STRN3: variants seen among roughly 807,000 people sequenced by gnomAD.
STRN3 encodes striatin 3.
In STRN3, 29 loss-of-function variants were observed where a neutral mutation model predicts 95.6. The observed-to-expected ratio is 0.30, with a 90% CI of 0.23 to 0.41. The LOEUF (loss-of-function observed/expected upper bound fraction) is 0.41. Ranked by LOEUF, STRN3 falls within the 10% of genes least tolerant of loss-of-function variation. The pLI is 1.00. For missense variants in STRN3, 890 were observed against 972.1 expected (o/e 0.92, Z 1.12); for synonymous variants, 331 against 357.6 (o/e 0.93, Z 0.84).
At chr14:30,935,041 C>T in intron 7 of STRN3, 122 bp downstream of exon 7, 1 of 1,289,818 alleles carries the variant, frequency 7.8e-7, no homozygotes, top group African/African-American at 1.5e-5. Context: ...AAAACCACTT[C>T]CCCTTGCTCT....
chr14:30,911,915 T>C, intron 11 of STRN3, 91 bp from the exon 12 acceptor site: 1 of 1,552,640 alleles, frequency 6.4e-7, no homozygotes, highest in Non-Finnish European at 8.7e-7. Flanking sequence ...AGATCAAATG[T>C]GTGCATTAAA....
chr14:30,969,308 G>C (rs989705760), intron 1 of STRN3, among the ~76,000 whole-genome samples: 1 of 152,028 alleles, frequency 6.6e-6, no homozygotes, highest in African/African-American at 2.4e-5. Flanking sequence ...ATGGTGGCAG[G>C]TGCCTTTAGT....
At chr14:30,980,697 G>C (rs943237667) in intron 1 of STRN3, among the ~76,000 whole-genome samples, 1 of 151,888 alleles carries the variant, frequency 6.6e-6, no homozygotes, top group African/African-American at 2.4e-5. Flanking sequence ...CACCGCACCC[G>C]GCCCTATTTT....
rs1262685137 is a variant in STRN3 at position 30,895,071 on chromosome 14, AAAAAAAAAGAAG to A, written c.*328_*339del. On this transcript the variant is annotated 3_prime_UTR_variant, in exon 18 of 18. Coordinates refer to ENST00000357479, the MANE Select transcript of STRN3 (RefSeq NM_001083893.2). ...CAGAGTCCAAAAAAAAAAAAAAAAA[AAAAAAAAAGAAG>A]AAGAAGAAGAGAAAAAAAAAAACTT... is the stretch of plus-strand genomic sequence containing the variant. The A allele has an allele frequency of 1.4e-5, 3 of 219,256 alleles. No homozygotes were observed. The highest frequency in any genetic ancestry group is 7.2e-5 in the African/African-American group (3 of 41,498). 13.6% of individuals were successfully genotyped at this position (219,256 alleles called of 1,614,324 possible). A position where few individuals can be genotyped will look rare whatever the true frequency, so the allele number is the denominator to read the frequency against.
chr14:30,978,084 G>C (rs1204149525), intron 1 of STRN3, among the ~76,000 whole-genome samples: 2 of 152,044 alleles, frequency 1.3e-5, no homozygotes, highest in Admixed American at 1.3e-4. Flanking sequence ...CTAAACATTT[G>C]AGAATGAAAT....
chr14:30,922,649 A>G (rs1896913853), intron 8 of STRN3, among the ~76,000 whole-genome samples: 1 of 152,180 alleles, frequency 6.6e-6, no homozygotes, highest in East Asian at 1.9e-4. Flanking sequence ...TTAGCAGGCA[A>G]ACAATCTGGA....
At chr14:30,997,782 C>T (rs1030639378) in intron 1 of STRN3, among the ~76,000 whole-genome samples, 3 of 152,166 alleles carry the variant, frequency 2.0e-5, no homozygotes, top group Non-Finnish European at 4.4e-5. Flanking sequence ...GTTGCTATTA[C>T]GAGCCTCCTT....
At chr14:30,961,295 G>C (rs1237036400) in intron 1 of STRN3, among the ~76,000 whole-genome samples, 5 of 152,034 alleles carry the variant, frequency 3.3e-5, no homozygotes, top group African/African-American at 1.2e-4. Context: ...ACTAATATCA[G>C]ACAAAATAGG....
At chr14:30,930,860 C>A (rs1878499384) in intron 7 of STRN3, among the ~76,000 whole-genome samples, 1 of 152,018 alleles carries the variant, frequency 6.6e-6, no homozygotes, top group South Asian at 2.1e-4. Flanking sequence ...GTTAATAATT[C>A]TTAATTTCAA....
chr14:30,983,442 G>T (rs1461452424), intron 1 of STRN3, among the ~76,000 whole-genome samples: 2 of 152,242 alleles, frequency 1.3e-5, no homozygotes, highest in Non-Finnish European at 2.9e-5. Flanking sequence ...CTACTCCGGA[G>T]GCTGAGACGG....
chr14:30,916,916 A>G (rs1896754764), intron 9 of STRN3, among the ~76,000 whole-genome samples: 2 of 152,190 alleles, frequency 1.3e-5, no homozygotes, highest in Admixed American at 1.3e-4. Context: ...TTTTCCCAAG[A>G]ACTTAGTCCA....
At chr14:30,967,248 G>A (rs1157808659) in intron 1 of STRN3, among the ~76,000 whole-genome samples, 4 of 132,934 alleles carry the variant, frequency 3.0e-5, no homozygotes, top group African/African-American at 1.1e-4. Flanking sequence ...GGGTGGGGGG[G>A]AAGAGAGGCA....
At chr14:31,021,052 A>G (rs1455497469) in intron 1 of STRN3, among the ~76,000 whole-genome samples, 1 of 152,222 alleles carries the variant, frequency 6.6e-6, no homozygotes, top group East Asian at 1.9e-4. Flanking sequence ...CTCACAGGCC[A>G]TACGCAGGGG....
At chr14:30,952,805 T>C (rs573624728) in intron 3 of STRN3, among the ~76,000 whole-genome samples, 1 of 152,328 alleles carries the variant, frequency 6.6e-6, no homozygotes, top group Admixed American at 6.5e-5. Context: ...GATTTTTCTA[T>C]TTATAACATT....
intron 13 of STRN3, among the ~76,000 whole-genome samples, chr14:30,908,458 T>A (rs935936699): frequency 6.6e-6 from 1 of 152,222 alleles, no homozygotes; most frequent in Non-Finnish European, 1.5e-5. Context: ...TTCATCCATA[T>A]AGTCTGACAT....
At chr14:30,979,813 T>C (rs1311828074) in intron 1 of STRN3, among the ~76,000 whole-genome samples, 3 of 151,480 alleles carry the variant, frequency 2.0e-5, no homozygotes, top group Non-Finnish European at 4.4e-5. Flanking sequence ...TTGGCCAGGA[T>C]GGTCTTGAAC....
intron 1 of STRN3, among the ~76,000 whole-genome samples, chr14:30,990,326 C>A (rs559935027): frequency 2.0e-5 from 3 of 151,772 alleles, no homozygotes; most frequent in East Asian, 1.9e-4. Context: ...CCAGCACACC[C>A]GGCTAATTTT....
chr14:30,966,802 G>A (rs553873655), intron 1 of STRN3, among the ~76,000 whole-genome samples: 27 of 152,032 alleles, frequency 1.8e-4, no homozygotes, highest in Non-Finnish European at 3.2e-4. Flanking sequence ...TACCTCATAT[G>A]GCTTAGAGCA....
chr14:30,902,365 T>C (rs769022076), intron 16 of STRN3, among the ~76,000 whole-genome samples, 171 bp downstream of exon 16: 4 of 151,996 alleles, frequency 2.6e-5, no homozygotes, highest in Non-Finnish European at 4.4e-5. Flanking sequence ...TAGTTAAGGA[T>C]AAAATAACAA....
Sources: allele counts gnomAD v4.1 joint callset (sites outside exome capture counted in the v4.1 genomes callset), GRCh38; gene constraint gnomAD v4.1.1; transcripts MANE v1.5; gene names NCBI Gene and HGNC (gene_info 2026-07-23, HGNC 2026-07-21).